The following PLCE1 variants were observed in gnomAD, a reference collection of about 807,000 sequenced individuals.
The protein encoded by PLCE1 is phospholipase C epsilon 1, also known as 1-phosphatidylinositol 4,5-bisphosphate phosphodiesterase epsilon-1.
PLCE1 carries 119 observed loss-of-function variants against 242.8 expected under a neutral mutation model. That is an observed-to-expected ratio of 0.49 (90% CI 0.42 to 0.57). PLCE1 has a LOEUF of 0.57. Among genes scored for constraint, PLCE1 ranks in the 20% least tolerant of loss-of-function variants. The pLI, the probability that PLCE1 is intolerant of heterozygous loss-of-function variation, is 0.00. For synonymous variants in PLCE1, 945 were observed against 1,017.4 expected (o/e 0.93, Z 1.35); for missense variants, 2,441 against 2,788.8 (o/e 0.88, Z 2.81).
chr10:94,166,672 T>C (rs1240948699), intron 3 of PLCE1, among the ~76,000 whole-genome samples: 2 of 151,990 alleles, frequency 1.3e-5, no homozygotes, highest in Non-Finnish European at 2.9e-5. Context: ...AGAGGGCAGA[T>C]TTTTGGAGTC....
chr10:94,021,732 T>A (rs562109599), intron 1 of PLCE1, among the ~76,000 whole-genome samples: 70 of 152,258 alleles, frequency 4.6e-4, no homozygotes, highest in African/African-American at 1.7e-3. Context: ...AGCCTTTATG[T>A]TTTCCACAAA....
rs899274527 is a variant in PLCE1, at chr10:94,331,678, CT to C, written c.*3737del. 2 of 152,122 alleles carry C rather than the reference CT, an allele frequency of 1.3e-5. No homozygotes were observed. The highest frequency in any genetic ancestry group is 4.8e-5 in the African/African-American group (2 of 41,414). 9.4% of individuals were successfully genotyped at this position (152,122 alleles called of 1,614,324 possible). A position where few individuals can be genotyped will look rare whatever the true frequency, so the allele number is the denominator to read the frequency against. On this transcript the variant is annotated 3_prime_UTR_variant, in exon 33 of 33. Transcript: ENST00000371380. Reference sequence around the variant, plus strand: ...GTTAGAGAGAAAAGGGAGATTGTCTCTTATACAGAGTCTAGACTTGGGTCAA... The same window carrying C: ...GTTAGAGAGAAAAGGGAGATTGTCTCTATACAGAGTCTAGACTTGGGTCAA...
At chr10:94,280,078 G>A (rs1267210310) in intron 20 of PLCE1, 167 bp downstream of exon 20, 1 of 711,714 alleles carries the variant, frequency 1.4e-6, no homozygotes, top group Non-Finnish European at 2.4e-6. Context: ...GAGGAAGGAG[G>A]GGATTCTGTT....
At chr10:94,093,151 T>G (rs2045143729) in intron 2 of PLCE1, among the ~76,000 whole-genome samples, 1 of 152,210 alleles carries the variant, frequency 6.6e-6, no homozygotes, top group South Asian at 2.1e-4. Context: ...CTTTTGAAAG[T>G]CTAGCAGCCC....
intron 32 of PLCE1, 41 bp from the exon 33 acceptor site, chr10:94,327,927 A>G (rs746272652): frequency 7.7e-6 from 4 of 518,750 alleles, no homozygotes; most frequent in South Asian, 5.8e-5. Flanking sequence ...CTGTTTCTTC[A>G]TTTTCAGTAT....
chr10:94,297,590 T>TAAAAAAAAAAAAGAAAAAAAA (rs2052879202), intron 23 of PLCE1, among the ~76,000 whole-genome samples: 1 of 56,568 alleles, frequency 1.8e-5, no homozygotes, highest in Non-Finnish European at 3.6e-5. Context: ...TTTAAATTTG[T>TAAAAAAAAAAAAGAAAAAAAA]AAAAAAAAAA....
intron 2 of PLCE1, among the ~76,000 whole-genome samples, chr10:94,115,215 C>T (rs61572352): frequency 0.046 from 7,031 of 152,158 alleles, 494 homozygotes; most frequent in African/African-American, 0.15. Context: ...GTGAATAGTG[C>T]GGCAATAAAC....
rs1386567169 is a variant in PLCE1 at position 94,246,452 on chromosome 10, A to G, written c.2927A>G (p.Tyr976Cys). The G allele has an allele frequency of 2.5e-6, 4 of 1,614,086 alleles. No individual in the cohort carries two copies. The highest frequency in any genetic ancestry group is 2.5e-6 in the Non-Finnish European group (3 of 1,180,022). ...FLSETGVTLL[Y>C]GLQTTDNRLL... ...TCAGAGACTGGTGTGACATTGCTCT[A>G]TGGGCTTCAGACCACAGACAACAGA... The change falls in exon 8 of 33, where the codon TAT becomes TGT. Residue 976 changes from tyrosine (Y) to cysteine (C), a missense_variant. Coordinates refer to ENST00000371380, the MANE Select transcript of PLCE1 (RefSeq NM_016341.4).
chr10:94,283,212 G>A (rs1344700717), intron 20 of PLCE1: 5 of 152,820 alleles, frequency 3.3e-5, no homozygotes, highest in African/African-American at 1.2e-4. Flanking sequence ...TTTCTGTTAT[G>A]ATTATCACTT....
intron 2 of PLCE1, among the ~76,000 whole-genome samples, chr10:94,065,811 ATC>A (rs1410994518): frequency 1.3e-5 from 2 of 152,212 alleles, no homozygotes; most frequent in East Asian, 3.9e-4. Flanking sequence ...CAGAAATGGT[ATC>A]TCAGCCTCAA....
intron 4 of PLCE1, among the ~76,000 whole-genome samples, chr10:94,222,078 A>G (rs1325246892): frequency 6.6e-6 from 1 of 152,110 alleles, no homozygotes; most frequent in Non-Finnish European, 1.5e-5. Context: ...GAGCAACTCC[A>G]TGCTGGAAAT....
intron 22 of PLCE1, among the ~76,000 whole-genome samples, chr10:94,290,443 T>G (rs1427888432): frequency 6.6e-6 from 1 of 151,504 alleles, no homozygotes; most frequent in Non-Finnish European, 1.5e-5. Flanking sequence ...ATTTTTTATT[T>G]TTTTACTTTT....
chr10:94,003,418 A>G (rs1245322594), intron 1 of PLCE1, among the ~76,000 whole-genome samples: 2 of 152,200 alleles, frequency 1.3e-5, no homozygotes, highest in African/African-American at 2.4e-5. Flanking sequence ...CATGTGTTCT[A>G]TCAGGTTCAC....
intron 4 of PLCE1, among the ~76,000 whole-genome samples, chr10:94,220,378 A>ATT (rs933087605): frequency 3.3e-5 from 1 of 29,876 alleles, no homozygotes; most frequent in African/African-American, 1.2e-4. Context: ...TAAACATTTT[A>ATT]TATATATATA....
At chr10:94,315,456 T>C (rs1412029349) in intron 28 of PLCE1, 1 of 456,092 alleles carries the variant, frequency 2.2e-6, no homozygotes. Flanking sequence ...TTCAGCCTTT[T>C]GTAGTAACCT....
intron 2 of PLCE1, among the ~76,000 whole-genome samples, chr10:94,116,466 A>C (rs2046133421): frequency 6.6e-6 from 1 of 152,178 alleles, no homozygotes; most frequent in South Asian, 2.1e-4. Flanking sequence ...AGGCTGAGGC[A>C]GGCAGATCAC....
intron 3 of PLCE1, among the ~76,000 whole-genome samples, chr10:94,150,947 C>T (rs1384916550): frequency 6.6e-6 from 1 of 152,228 alleles, no homozygotes; most frequent in Non-Finnish European, 1.5e-5. Flanking sequence ...ATACCAGGTT[C>T]TGGCAGTCTG....
At chr10:94,007,575 C>CTTTTTT (rs57779697) in intron 1 of PLCE1, among the ~76,000 whole-genome samples, 2 of 107,266 alleles carry the variant, frequency 1.9e-5, no homozygotes, top group Non-Finnish European at 1.8e-5. Flanking sequence ...TTCTCTCTCT[C>CTTTTTT]TTTTTTTTTT....
chr10:94,315,539 C>A (rs567057294), intron 28 of PLCE1: 4 of 454,934 alleles, frequency 8.8e-6, no homozygotes, highest in Non-Finnish European at 1.8e-5. Flanking sequence ...GAGGCCGAGG[C>A]GGGCAGATCA....
Sources: gnomAD v4.1 joint callset for allele counts (sites outside exome capture counted in the v4.1 genomes callset) on GRCh38, gnomAD v4.1.1 for gene constraint, MANE v1.5 for transcripts, NCBI Gene and HGNC (gene_info 2026-07-23, HGNC 2026-07-21) for gene names.